The following AGBL1 variants were observed in gnomAD, a reference collection of about 807,000 sequenced individuals.
The protein encoded by AGBL1 is cytosolic carboxypeptidase 4.
AGBL1 carries 130 observed loss-of-function variants against 118.9 expected under a neutral mutation model. The observed-to-expected ratio is 1.09, with a 90% CI of 0.95 to 1.26. The LOEUF is 1.26. AGBL1 is among the 50% of genes most tolerant of loss of function. The probability of loss-of-function intolerance (pLI) is 0.00; values close to 1 mark genes in which losing one functional copy is unlikely to be tolerated. For synonymous variants in AGBL1, 555 were observed against 478.9 expected, an observed-to-expected ratio of 1.16 and a Z score of -2.08; for missense variants, 1,584 against 1,298.1, an observed-to-expected ratio of 1.22 and a Z score of -3.38.
At chr15:86,210,509 G>T (rs143946579) in intron 5 of AGBL1, among the ~76,000 whole-genome samples, 1 of 151,966 alleles carries the variant, frequency 6.6e-6, no homozygotes, top group African/African-American at 2.4e-5. Context: ...GGCTTTGTTC[G>T]TCGCTTTTTA....
intron 18 of AGBL1, among the ~76,000 whole-genome samples, chr15:86,471,203 T>C (rs1018102512): frequency 3.3e-5 from 5 of 152,182 alleles, no homozygotes; most frequent in Non-Finnish European, 7.3e-5. Context: ...ACCTTTTTAA[T>C]ATTAAGATAG....
chr15:86,420,804 A>G lies in AGBL1; in HGVS notation c.2555+23258A>G, dbSNP rs189531948. Among the ~76,000 whole-genome samples the G allele has an allele frequency of 3.2e-3, 484 of 152,368 alleles. 1 individual carries two copies. The highest frequency in any genetic ancestry group is 0.011 in the African/African-American group (457 of 41,590). On this transcript the variant is annotated intron_variant, in intron 18 of 22. Transcript: ENST00000614907. ...CTGAAAAACACAGCAGGAGAACTTC[A>G]TGAAGCATGCACAAGTATCAATAGC...
chr15:86,496,768 CAG>C (rs371630147), intron 18 of AGBL1, among the ~76,000 whole-genome samples: 161 of 151,916 alleles, frequency 1.1e-3, no homozygotes, highest in African/African-American at 3.7e-3. Flanking sequence ...TTGTACATGA[CAG>C]AAATGAATGA....
chr15:86,921,169 G>T (rs991169158), intron 23 of AGBL1, among the ~76,000 whole-genome samples: 5 of 152,198 alleles, frequency 3.3e-5, no homozygotes, highest in Non-Finnish European at 7.3e-5. Context: ...GTCGTAAGAG[G>T]ATTCAAAGAT....
At chr15:86,147,948 T>C (rs2077054734) in intron 3 of AGBL1, among the ~76,000 whole-genome samples, 1 of 152,200 alleles carries the variant, frequency 6.6e-6, no homozygotes, top group Non-Finnish European at 1.5e-5. Context: ...TCTGCAGTAT[T>C]TGCTGTTCTG....
intron 24 of AGBL1, among the ~76,000 whole-genome samples, chr15:87,011,024 A>G (rs1465778505): frequency 6.6e-6 from 1 of 152,224 alleles, no homozygotes; most frequent in Non-Finnish European, 1.5e-5. Flanking sequence ...TCTTCTTGTT[A>G]AGTGCAGATA....
chr15:86,736,733 A>G (rs1453230019), intron 22 of AGBL1, among the ~76,000 whole-genome samples: 2 of 152,226 alleles, frequency 1.3e-5, no homozygotes, highest in African/African-American at 2.4e-5. Context: ...GGATAAGGAC[A>G]TAAGTATGCA....
chr15:86,666,208 T>C (rs1328440926), intron 21 of AGBL1, among the ~76,000 whole-genome samples: 1 of 152,120 alleles, frequency 6.6e-6, no homozygotes, highest in Non-Finnish European at 1.5e-5. Context: ...TGTTCCTTGC[T>C]GTCTCTTGGT....
chr15:86,567,642 ATTTTGATCTTTT>A (rs1399689353), intron 21 of AGBL1, among the ~76,000 whole-genome samples: 1 of 152,230 alleles, frequency 6.6e-6, no homozygotes, highest in Non-Finnish European at 1.5e-5. Context: ...GAGGAATATA[ATTTTGATCTTTT>A]TTTTGATCTT....
At chr15:86,175,378 G>C (rs187121052) in intron 5 of AGBL1, among the ~76,000 whole-genome samples, 1 of 151,970 alleles carries the variant, frequency 6.6e-6, no homozygotes, top group Admixed American at 6.5e-5. Flanking sequence ...TGTCATTTCT[G>C]ACTTTATTTA....
chr15:86,338,473 G>A (rs28696844), intron 17 of AGBL1, among the ~76,000 whole-genome samples: 5,277 of 151,976 alleles, frequency 0.035, 302 homozygotes, highest in African/African-American at 0.12. Context: ...GATACGTTAT[G>A]TTTTATTTAT....
At chr15:86,626,399 A>T (rs2084887521) in intron 21 of AGBL1, among the ~76,000 whole-genome samples, 1 of 152,206 alleles carries the variant, frequency 6.6e-6, no homozygotes, top group African/African-American at 2.4e-5. Flanking sequence ...TAGCAAACTA[A>T]TGCGGTAACA....
chr15:86,961,702 G>A (rs1216537927), intron 23 of AGBL1, among the ~76,000 whole-genome samples: 1 of 152,012 alleles, frequency 6.6e-6, no homozygotes, highest in Non-Finnish European at 1.5e-5. Flanking sequence ...TGTGGGTCAG[G>A]CCGGGGGCTC....
chr15:86,232,389 A>G (rs1459765632), intron 6 of AGBL1, among the ~76,000 whole-genome samples: 1 of 151,820 alleles, frequency 6.6e-6, no homozygotes, highest in Non-Finnish European at 1.5e-5. Flanking sequence ...TCCAATATTT[A>G]TTTTCAGTGA....
chr15:86,712,713 G>A lies in AGBL1; in HGVS notation c.3158+38277G>A, dbSNP rs116208800. 4.0e-3 allele frequency among the ~76,000 whole-genome samples: 611 copies of A among 152,232 alleles called. 3 individuals are homozygous for A. The highest frequency in any genetic ancestry group is 0.014 in the African/African-American group (573 of 41,552). The stretch of plus-strand genomic sequence containing the variant: ...GTCCTGGGATACGGGCCTTTTGTAA[G>A]GTGCTGATTGGAACACAACAAGGCA... On this transcript the variant is annotated intron_variant, in intron 22 of 22. Coordinates refer to ENST00000614907, the MANE Select transcript of AGBL1 (RefSeq NM_001386094.1).
intron 1 of AGBL1, among the ~76,000 whole-genome samples, chr15:86,137,700 A>G (rs1284561775): frequency 6.6e-6 from 1 of 152,134 alleles, no homozygotes; most frequent in East Asian, 1.9e-4. Flanking sequence ...CCTCTAAACC[A>G]ACCACAGGAA....
At chr15:86,256,368 A>G (rs917760876) in intron 7 of AGBL1, among the ~76,000 whole-genome samples, 1 of 152,168 alleles carries the variant, frequency 6.6e-6, no homozygotes, top group African/African-American at 2.4e-5. Context: ...CTGATTTCAT[A>G]TTTTATCTTT....
chr15:86,515,579 T>A (rs887522433), intron 18 of AGBL1, among the ~76,000 whole-genome samples: 2 of 152,228 alleles, frequency 1.3e-5, no homozygotes, highest in Non-Finnish European at 2.9e-5. Flanking sequence ...AAAAAGAATT[T>A]AAAATTTCAG....
chr15:86,817,170 T>G (rs2078869946), intron 22 of AGBL1, among the ~76,000 whole-genome samples: 1 of 151,758 alleles, frequency 6.6e-6, no homozygotes, highest in Non-Finnish European at 1.5e-5. Flanking sequence ...CAGGTGGCTG[T>G]AATCCCAGCT....
Sources: allele counts gnomAD v4.1 joint callset (sites outside exome capture counted in the v4.1 genomes callset), GRCh38; gene constraint gnomAD v4.1.1; transcripts MANE v1.5; gene names NCBI Gene and HGNC (gene_info 2026-07-23, HGNC 2026-07-21).